The following BLOC1S6 variants were observed in gnomAD, a reference collection of about 807,000 sequenced individuals.
BLOC1S6 encodes the protein biogenesis of lysosome-related organelles complex 1 subunit 6.
A neutral mutation model predicts 24.7 loss-of-function variants in BLOC1S6; 24 were observed. The ratio of observed to expected loss-of-function variants is 0.97; its 90% CI spans 0.70 to 1.37. The LOEUF (loss-of-function observed/expected upper bound fraction) is 1.37, where lower values mean the gene tolerates loss of function less well. Ranked by LOEUF, BLOC1S6 falls within the 40% of genes most tolerant of loss-of-function variation. BLOC1S6 has a pLI of 0.00. For synonymous variants in BLOC1S6, 76 were observed against 72.6 expected, an observed-to-expected ratio of 1.05 and a Z score of -0.23; for missense variants, 175 against 196.2, an observed-to-expected ratio of 0.89 and a Z score of 0.64.
At chr15:45,597,356 G>C (rs964421799) in intron 2 of BLOC1S6, among the ~76,000 whole-genome samples, 1 of 152,096 alleles carries the variant, frequency 6.6e-6, no homozygotes, top group Admixed American at 6.6e-5. Context: ...GTGTGCACCT[G>C]TAGTCATAGC....
intron 1 of BLOC1S6, among the ~76,000 whole-genome samples, chr15:45,588,777 C>T (rs1394346770): frequency 6.6e-6 from 1 of 152,218 alleles, no homozygotes; most frequent in Non-Finnish European, 1.5e-5. Flanking sequence ...CTCACTATTG[C>T]TATGCTGCAT....
rs1273458444 is a variant in BLOC1S6 at position 45,608,674 on chromosome 15, A to G, written c.*2160A>G. ...ATAGCATTATAACCTGGGAACGTTA[A>G]AAAAAATACAGACATTCTTGATTCT... On this transcript the variant is annotated 3_prime_UTR_variant, in exon 5 of 5. Coordinates refer to ENST00000220531, the MANE Select transcript of BLOC1S6 (RefSeq NM_012388.4). 1 of 152,270 alleles carries G rather than the reference A, an allele frequency of 6.6e-6. No individual in the cohort carries two copies. The highest frequency in any genetic ancestry group is 1.9e-4 in the East Asian group (1 of 5,196). 9.4% of individuals were successfully genotyped at this position (152,270 alleles called of 1,614,324 possible). A position where few individuals can be genotyped will look rare whatever the true frequency, so the allele number is the denominator to read the frequency against.
chr15:45,595,890 G>A (rs754267291), intron 2 of BLOC1S6, among the ~76,000 whole-genome samples: 17 of 151,626 alleles, frequency 1.1e-4, no homozygotes, highest in South Asian at 2.1e-4. Context: ...TCACCACAAC[G>A]TCTGCCTCCT....
intron 1 of BLOC1S6, chr15:45,587,926 G>GTGAT: frequency 1.7e-6 from 1 of 600,662 alleles, no homozygotes; most frequent in Non-Finnish European, 3.0e-6. Flanking sequence ...GGTCAGCTCG[G>GTGAT]TGATATTACT....
chr15:45,594,914 C>T lies in BLOC1S6; in HGVS notation c.224+2638C>T, dbSNP rs1363378322. ...TCTCTGGAACCTTCTTTGAGAGTGGCCAGACTTATGGGTCAGGAAAGCACT... is the reference window on the plus strand; with the variant it reads ...TCTCTGGAACCTTCTTTGAGAGTGGTCAGACTTATGGGTCAGGAAAGCACT... On this transcript the variant is annotated intron_variant, in intron 2 of 4. Coordinates refer to ENST00000220531, the MANE Select transcript of BLOC1S6 (RefSeq NM_012388.4). 2.0e-5 allele frequency among the ~76,000 whole-genome samples: 3 copies of T among 152,004 alleles called. No homozygotes were observed. The East Asian group carries it at 5.8e-4, about 29-fold the overall frequency.
chr15:45,593,233 A>G (rs1394131266), intron 2 of BLOC1S6, among the ~76,000 whole-genome samples: 1 of 151,654 alleles, frequency 6.6e-6, no homozygotes, highest in African/African-American at 2.4e-5. Context: ...AAAAACACAA[A>G]AAATTAGCTG....
At chr15:45,592,531 G>T (rs1273906545) in intron 2 of BLOC1S6, among the ~76,000 whole-genome samples, 2 of 152,176 alleles carry the variant, frequency 1.3e-5, no homozygotes, top group Non-Finnish European at 2.9e-5. Flanking sequence ...CTGTGATTAG[G>T]TTTGGCATTT....
At chr15:45,594,818 C>G (rs1479330871) in intron 2 of BLOC1S6, among the ~76,000 whole-genome samples, 1 of 152,150 alleles carries the variant, frequency 6.6e-6, no homozygotes, top group African/African-American at 2.4e-5. Flanking sequence ...CTCCTGACCT[C>G]AAGTGATCTG....
chr15:45,587,486 C>T lies in BLOC1S6; in HGVS notation c.43C>T (p.Arg15Trp), dbSNP rs141581736. 1.0e-5 allele frequency: 16 copies of T among 1,585,816 alleles called. No homozygotes were observed. In the African/African-American group the frequency reaches 1.3e-4, roughly 13 times the overall value. Residue 15 changes from arginine (R) to tryptophan (W), a missense_variant, in exon 1 of 5, where the codon CGG (arginine) becomes TGG (tryptophan). Physicochemically the swap from Arg to Trp is moderately radical, Grantham distance 101 (BLOSUM62 -3). Coordinates refer to ENST00000220531, the MANE Select transcript of BLOC1S6 (RefSeq NM_012388.4). ...GTCGTCTCCGGACGGGGCCCTGACACGGCCACCCTACTGCCTGGAGGCCGG... is the reference window on the plus strand; with the variant it reads ...GTCGTCTCCGGACGGGGCCCTGACATGGCCACCCTACTGCCTGGAGGCCGG... Reference protein sequence around the residue: ...GPSSPDGALTRPPYCLEAGEP... With the variant: ...GPSSPDGALTWPPYCLEAGEP...
At chr15:45,596,863 A>G (rs1488171816) in intron 2 of BLOC1S6, among the ~76,000 whole-genome samples, 2 of 151,898 alleles carry the variant, frequency 1.3e-5, no homozygotes, top group Non-Finnish European at 1.5e-5. Context: ...TTTTATAGAG[A>G]TGGGGTTTCA....
chr15:45,596,689 T>G (rs550257178), intron 2 of BLOC1S6, among the ~76,000 whole-genome samples: 1 of 147,362 alleles, frequency 6.8e-6, no homozygotes, highest in Non-Finnish European at 1.5e-5. Flanking sequence ...TCATTGTTTG[T>G]TTTTTTTTTG....
rs995016659 is a variant in BLOC1S6, at chr15:45,608,765, G to A, written c.*2251G>A. ...ACTCTCCAGATAATTTTGATGTCACGAGTCACTAGTATAGACTATCTATCT... is the reference window on the plus strand; with the variant it reads ...ACTCTCCAGATAATTTTGATGTCACAAGTCACTAGTATAGACTATCTATCT... On this transcript the variant is annotated 3_prime_UTR_variant, in exon 5 of 5. Transcript: ENST00000220531. 5.9e-5 allele frequency: 9 copies of A among 152,104 alleles called. No individual in the cohort carries two copies. In the East Asian group the frequency reaches 1.5e-3, roughly 26 times the overall value. 9.4% of individuals were successfully genotyped at this position (152,104 alleles called of 1,614,324 possible). A position where few individuals can be genotyped will look rare whatever the true frequency, so the allele number is the denominator to read the frequency against.
intron 2 of BLOC1S6, among the ~76,000 whole-genome samples, chr15:45,595,289 A>C (rs930328564): frequency 1.3e-5 from 2 of 152,214 alleles, no homozygotes; most frequent in Non-Finnish European, 2.9e-5. Flanking sequence ...GGGGCCCATC[A>C]TGAGTCACTT....
chr15:45,600,537 T>G (rs186873359), intron 2 of BLOC1S6, among the ~76,000 whole-genome samples: 2 of 152,218 alleles, frequency 1.3e-5, no homozygotes, highest in African/African-American at 2.4e-5. Context: ...TGTCAAATGC[T>G]TTTTCTACAT....
In BLOC1S6 at chr15:45,608,946, C is replaced by T. The variant is rs960732113; in HGVS notation, c.*2432C>T. 1.3e-5 allele frequency: 2 copies of T among 152,040 alleles called. No homozygotes were observed. Among genetic ancestry groups the T allele is most frequent in the South Asian group, 2.1e-4 (1 of 4,828 alleles). The allele number at this position is 152,040 out of a possible 1,614,324, so 9.4% of individuals were successfully genotyped here. A position where few individuals can be genotyped will look rare whatever the true frequency, so the allele number is the denominator to read the frequency against. ...GCAATAGATATAGAATTCTGGTTAGCTAATTGAACTTTTGTGACCTGTTTA... is the reference window on the plus strand; with the variant it reads ...GCAATAGATATAGAATTCTGGTTAGTTAATTGAACTTTTGTGACCTGTTTA... On this transcript the variant is annotated 3_prime_UTR_variant, in exon 5 of 5. Coordinates refer to ENST00000220531, the MANE Select transcript of BLOC1S6 (RefSeq NM_012388.4).
At chr15:45,596,165 C>T (rs779116917) in intron 2 of BLOC1S6, among the ~76,000 whole-genome samples, 14 of 151,648 alleles carry the variant, frequency 9.2e-5, no homozygotes, top group Non-Finnish European at 1.5e-4. Context: ...CATTTCTTTG[C>T]GCATGGATAT....
chr15:45,602,503 G>GA (rs1049141002), intron 2 of BLOC1S6: 40 of 525,198 alleles, frequency 7.6e-5, no homozygotes, highest in African/African-American at 6.8e-4. Flanking sequence ...AGAAACATTA[G>GA]AAATTATCTG....
chr15:45,602,262 G>C (rs572303875), intron 2 of BLOC1S6: 4 of 583,032 alleles, frequency 6.9e-6, no homozygotes, highest in Non-Finnish European at 1.2e-5. Flanking sequence ...TGTTGTAATT[G>C]CCCTGAGCCT....
chr15:45,592,087 A>G (rs1893906842), intron 1 of BLOC1S6, 48 bp from the exon 2 acceptor site: 1 of 1,603,812 alleles, frequency 6.2e-7, no homozygotes, highest in African/African-American at 1.4e-5. Context: ...CAGCCTAAAA[A>G]AATAAAATAA....
Sources: gnomAD v4.1 joint callset for allele counts (sites outside exome capture counted in the v4.1 genomes callset) on GRCh38, gnomAD v4.1.1 for gene constraint, MANE v1.5 for transcripts, NCBI Gene and HGNC (gene_info 2026-07-23, HGNC 2026-07-21) for gene names.